The following TTC17 variants were observed in gnomAD, a reference collection of about 807,000 sequenced individuals.
TTC17 encodes tetratricopeptide repeat domain 17, also known as tetratricopeptide repeat protein 17.
Under a neutral mutation model 143.8 loss-of-function variants are expected in TTC17, and 58 were observed. That is an observed-to-expected ratio of 0.40 (90% CI 0.33 to 0.50). TTC17 has a LOEUF of 0.50. Ranked by LOEUF, TTC17 falls within the 20% of genes least tolerant of loss-of-function variation. TTC17 has a pLI of 0.49. For synonymous variants in TTC17, 501 were observed against 497.8 expected (o/e 1.01, Z -0.09); for missense variants, 1,273 against 1,392.5 (o/e 0.91, Z 1.37).
chr11:43,493,211 T>C (rs960024252), intron 23 of TTC17, among the ~76,000 whole-genome samples: 1 of 152,226 alleles, frequency 6.6e-6, no homozygotes, highest in African/African-American at 2.4e-5. Context: ...ACCTTCAATA[T>C]GGCAGGGATC....
intron 16 of TTC17, among the ~76,000 whole-genome samples, chr11:43,433,062 G>A (rs145746670): frequency 1.7e-3 from 257 of 152,172 alleles, no homozygotes; most frequent in Non-Finnish European, 2.8e-3. Flanking sequence ...GTGCGGTGGC[G>A]CAGTCTCGGC....
intron 18 of TTC17, among the ~76,000 whole-genome samples, chr11:43,447,359 TGTG>T (rs1947565692): frequency 6.6e-6 from 1 of 152,102 alleles, no homozygotes; most frequent in African/African-American, 2.4e-5. Flanking sequence ...ACTGTGGTGG[TGTG>T]GTGGGGGCTG....
In TTC17 at chr11:43,492,003, TCTC is replaced by T. The variant is rs1948481996; in HGVS notation, c.3151-14_3151-12del. The T allele has an allele frequency of 1.9e-6, 3 of 1,611,482 alleles. No homozygotes were observed. Among genetic ancestry groups the T allele is most frequent in the Non-Finnish European group, 1.7e-6 (2 of 1,178,644 alleles). On this transcript the variant is annotated splice_polypyrimidine_tract_variant and intron_variant, in intron 22 of 23. Coordinates refer to ENST00000039989, the MANE Select transcript of TTC17 (RefSeq NM_018259.6). ...AAACCCAATTTTCCCTTCTCACCAT[TCTC>T]CTTCTTCTCCCAGGATGTGCCCCTG...
chr11:43,369,299 A>G (rs377708376), intron 1 of TTC17, among the ~76,000 whole-genome samples: 16 of 152,322 alleles, frequency 1.1e-4, no homozygotes, highest in African/African-American at 3.4e-4. Context: ...ACAGACATGA[A>G]TATTCTCATA....
intron 2 of TTC17, 49 bp downstream of exon 2, chr11:43,379,371 C>T: frequency 6.6e-7 from 1 of 1,512,314 alleles, no homozygotes; most frequent in Non-Finnish European, 9.1e-7. Context: ...TTGCATTTCA[C>T]AGGAGCCATT....
intron 21 of TTC17, 130 bp downstream of exon 21, chr11:43,451,395 G>A: frequency 2.7e-6 from 2 of 733,598 alleles, no homozygotes; most frequent in Non-Finnish European, 4.7e-6. Context: ...AGGATAATGT[G>A]AAATAACTCC....
intron 16 of TTC17, among the ~76,000 whole-genome samples, chr11:43,429,622 A>G (rs1947107845): frequency 6.6e-6 from 1 of 152,240 alleles, no homozygotes; most frequent in African/African-American, 2.4e-5. Context: ...TAAATATGAA[A>G]TAGTGTTATT....
At position 43,359,033 on chromosome 11, in the gene TTC17, G is replaced by T; in HGVS notation, c.79G>T (p.Ala27Ser). The T allele has an allele frequency of 1.9e-6, 3 of 1,591,314 alleles. No individual in the cohort carries two copies. The highest frequency in any genetic ancestry group is 2.6e-6 in the Non-Finnish European group (3 of 1,170,202). ...CCCAGGCTGGCTCCTCAGCCTTTCC[G>T]CCTTGCTGAGTGTGGCGGCACGAGG... is the stretch of plus-strand genomic sequence containing the variant. ...SGPGWLLSLS[A>S]LLSVAARGAF... Residue 27 changes from alanine to serine, a missense_variant, in exon 1 of 24, where the codon GCC (alanine) becomes TCC (serine). Around this residue, in one of 3 missense-constraint regions of TTC17, gnomAD observed 70 missense variants for 48.5 expected, o/e 1.44. Coordinates refer to ENST00000039989, the MANE Select transcript of TTC17 (RefSeq NM_018259.6).
intron 21 of TTC17, among the ~76,000 whole-genome samples, chr11:43,455,069 C>G (rs1045241426): frequency 6.6e-6 from 1 of 151,038 alleles, no homozygotes; most frequent in Non-Finnish European, 1.5e-5. Context: ...CATTTTCTGG[C>G]CAGAATGCAA....
Position 43,464,151 on chromosome 11 carries a change from A to G in TTC17, c.3030+12886A>G, listed in dbSNP as rs575490676. Among the ~76,000 whole-genome samples, 13 of 152,136 alleles carry G rather than the reference A, an allele frequency of 8.5e-5. No individual in the cohort carries two copies. The South Asian group carries it at 2.5e-3, about 29-fold the overall frequency. On this transcript the variant is annotated intron_variant, in intron 21 of 23. Transcript: ENST00000039989. ...AAAAATTAGCTGGGCGTGGTGGTGC[A>G]CGCCTGTAATGCCGGGTACTCGGGA...
intron 16 of TTC17, among the ~76,000 whole-genome samples, chr11:43,427,029 T>C (rs1947045202): frequency 6.6e-6 from 1 of 152,242 alleles, no homozygotes. Flanking sequence ...ACTTACTACC[T>C]AAACCAAGTC....
At position 43,492,144 on chromosome 11, in the gene TTC17, G is replaced by T; in HGVS notation, c.3275G>T (p.Gly1092Val). ...TTTGCTGTGAACCACTTCACTCTGG[G>T]CAATGTCTACGTGGCAATGGTGAGA... Reference protein sequence around the residue: ...PHFAVNHFTLGNVYVAMEEFE... With the variant: ...PHFAVNHFTLVNVYVAMEEFE... Residue 1092 changes from glycine (G) to valine (V), a missense_variant, in exon 23 of 24, where the codon GGC (glycine) becomes GTC (valine). By Grantham distance (109) the Gly-to-Val change is moderately radical. This residue lies in a region of TTC17 where 878 missense variants were observed against 899.8 expected (regional missense o/e 0.98). Transcript: ENST00000039989. The T allele has an allele frequency of 6.2e-7, 1 of 1,613,996 alleles. No individual in the cohort carries two copies. Among genetic ancestry groups the T allele is most frequent in the South Asian group, 1.1e-5 (1 of 91,080 alleles).
intron 16 of TTC17, among the ~76,000 whole-genome samples, chr11:43,428,804 G>T (rs998751014): frequency 6.6e-6 from 1 of 152,170 alleles, no homozygotes; most frequent in Non-Finnish European, 1.5e-5. Context: ...TCATATTTGG[G>T]AATCACATAC....
intron 11 of TTC17, 51 bp from the exon 12 acceptor site, chr11:43,405,463 T>C (rs1255066839): frequency 2.2e-6 from 3 of 1,340,786 alleles, no homozygotes; most frequent in Non-Finnish European, 3.2e-6. Context: ...ATTTAGCATA[T>C]TGAAATATTG....
At chr11:43,454,465 A>G (rs559271525) in intron 21 of TTC17, among the ~76,000 whole-genome samples, 2 of 152,302 alleles carry the variant, frequency 1.3e-5, no homozygotes, top group African/African-American at 4.8e-5. Context: ...GATGGATTCA[A>G]GGGACCAAGG....
At chr11:43,391,335 G>T in intron 3 of TTC17, 130 bp from the exon 4 acceptor site, 1 of 628,282 alleles carries the variant, frequency 1.6e-6, no homozygotes, top group Non-Finnish European at 2.8e-6. Context: ...GGAGATCAAG[G>T]CTGCAGTGAG....
At chr11:43,453,380 A>G (rs1027349691) in intron 21 of TTC17, among the ~76,000 whole-genome samples, 1 of 152,166 alleles carries the variant, frequency 6.6e-6, no homozygotes, top group Non-Finnish European at 1.5e-5. Context: ...TGGAAGAAAA[A>G]AAAAAGAGAG....
intron 9 of TTC17, among the ~76,000 whole-genome samples, chr11:43,400,857 C>G (rs569852404): frequency 1.7e-3 from 257 of 152,294 alleles, no homozygotes; most frequent in African/African-American, 5.3e-3. Context: ...GATCTGACAA[C>G]TCAATAACAG....
At chr11:43,415,320 T>C (rs1375896931) in intron 16 of TTC17, among the ~76,000 whole-genome samples, 1 of 152,186 alleles carries the variant, frequency 6.6e-6, no homozygotes, top group Admixed American at 6.6e-5. Context: ...TATAGGTGTA[T>C]CCACCTGGGT....
Sources: allele counts gnomAD v4.1 joint callset (sites outside exome capture counted in the v4.1 genomes callset), GRCh38; gene constraint gnomAD v4.1.1; regional missense constraint gnomAD v4.1.1; transcripts MANE v1.5; gene names NCBI Gene and HGNC (gene_info 2026-07-23, HGNC 2026-07-21).